The following DNAH11 variants were observed in gnomAD, a reference collection of about 807,000 sequenced individuals.
DNAH11 encodes the protein axonemal beta dynein heavy chain 11.
Under a neutral mutation model 526.0 loss-of-function variants are expected in DNAH11, and 442 were observed. The observed-to-expected ratio is 0.84, with a 90% CI of 0.78 to 0.91. The LOEUF (loss-of-function observed/expected upper bound fraction) is 0.91. Among genes scored for constraint, DNAH11 ranks in the 40% least tolerant of loss-of-function variants. The pLI is 0.00. For missense variants in DNAH11, 6,989 were observed against 5,448.7 expected, an observed-to-expected ratio of 1.28 and a Z score of -8.90; for synonymous variants, 2,461 against 1,935.9, an observed-to-expected ratio of 1.27 and a Z score of -7.12.
chr7:21,610,838 TATAAA>T (rs995499706), intron 20 of DNAH11, among the ~76,000 whole-genome samples: 2 of 152,098 alleles, frequency 1.3e-5, no homozygotes, highest in African/African-American at 4.8e-5. Context: ...AGATGGAAAA[TATAAA>T]AGAGCCTAAG....
intron 35 of DNAH11, among the ~76,000 whole-genome samples, chr7:21,691,198 C>A (rs1783607743): frequency 7.0e-6 from 1 of 143,324 alleles, no homozygotes; most frequent in African/African-American, 2.6e-5. Context: ...TTTTAACAGT[C>A]AAAGTGCATT....
Position 21,649,115 on chromosome 7 carries a change from C to T in DNAH11, c.4945-6717C>T, listed in dbSNP as rs550314070. 4.6e-5 allele frequency among the ~76,000 whole-genome samples: 7 copies of T among 152,272 alleles called. No individual in the cohort carries two copies. The East Asian group carries it at 1.3e-3, about 29-fold the overall frequency. On this transcript the variant is annotated intron_variant, in intron 28 of 81. Coordinates refer to ENST00000409508, the MANE Select transcript of DNAH11 (RefSeq NM_001277115.2). ...TACAATGAGATATCAAGATCAAACC[C>T]ACCAAAGGCTAAAATTAAAACTCAC...
chr7:21,544,544 GA>G (rs1782735343), intron 1 of DNAH11, among the ~76,000 whole-genome samples: 1 of 152,144 alleles, frequency 6.6e-6, no homozygotes, highest in African/African-American at 2.4e-5. Flanking sequence ...AGTAGTTGTG[GA>G]AATGTTAGCA....
chr7:21,600,179 G>T lies in DNAH11; in HGVS notation c.3000+60G>T, dbSNP rs1785022206. 3.5e-6 allele frequency: 5 copies of T among 1,414,364 alleles called. No individual in the cohort carries two copies. In the African/African-American group the frequency reaches 7.2e-5, roughly 20 times the overall value. The allele number at this position is 1,414,364 out of a possible 1,614,324, so 87.6% of individuals were successfully genotyped here. ...ATTAATGATTCAAAAACAAATTGTG[G>T]CTGAGTATGGTAGCTCATGCTGGGA... is the stretch of plus-strand genomic sequence containing the variant. On this transcript the variant is annotated intron_variant, in intron 15 of 81. Coordinates refer to ENST00000409508, the MANE Select transcript of DNAH11 (RefSeq NM_001277115.2).
At chr7:21,718,054 C>A in intron 43 of DNAH11, 129 bp downstream of exon 43, 1 of 1,278,574 alleles carries the variant, frequency 7.8e-7, no homozygotes, top group Non-Finnish European at 1.1e-6. Context: ...TTGCTGCAAC[C>A]CTCTTGCCCC....
chr7:21,693,514 C>G (rs1783715848), intron 35 of DNAH11, among the ~76,000 whole-genome samples: 2 of 152,138 alleles, frequency 1.3e-5, no homozygotes, highest in African/African-American at 4.8e-5. Flanking sequence ...TCTCTATCTG[C>G]TTAAGAGTTT....
intron 46 of DNAH11, among the ~76,000 whole-genome samples, 177 bp from the exon 47 acceptor site, chr7:21,738,524 G>C (rs1583645593): frequency 1.3e-5 from 2 of 152,288 alleles, no homozygotes; most frequent in South Asian, 4.2e-4. Context: ...TGGCAGGAGA[G>C]CACGACACAA....
chr7:21,674,795 A>G lies in DNAH11; in HGVS notation c.5329-6751A>G, dbSNP rs188048806. Among the ~76,000 whole-genome samples the G allele has an allele frequency of 9.9e-5, 15 of 152,058 alleles. No homozygotes were observed. The East Asian group carries it at 2.9e-3, about 29-fold the overall frequency. On this transcript the variant is annotated intron_variant, in intron 30 of 81. Transcript: ENST00000409508. ...CACTGAAGTCTCACACGCACACCCA[A>G]TCTAAAAGATCCAGTGCACATTAGC...
At chr7:21,761,950 G>T (rs545596048) in intron 54 of DNAH11, among the ~76,000 whole-genome samples, 38 of 152,290 alleles carry the variant, frequency 2.5e-4, no homozygotes, top group Admixed American at 1.4e-3. Context: ...GTTCCATATG[G>T]CTGGAGAGGC....
chr7:21,788,564 C>T (rs931106575), intron 60 of DNAH11, among the ~76,000 whole-genome samples: 13 of 152,038 alleles, frequency 8.6e-5, no homozygotes, highest in African/African-American at 2.9e-4. Context: ...ATTTAATTTC[C>T]TTCCTCTCTC....
At position 21,662,132 on chromosome 7, in the gene DNAH11, T is replaced by A. The variant is rs1476514029; in HGVS notation, c.5328+3101T>A. ...ACTGTGCCTGGCCAAATGCTATTTT[T>A]AAATAGTGTTTTAGTTTATGTGCTA... On this transcript the variant is annotated intron_variant, in intron 30 of 81. Coordinates refer to ENST00000409508, the MANE Select transcript of DNAH11 (RefSeq NM_001277115.2). Among the ~76,000 whole-genome samples the A allele has an allele frequency of 3.9e-5, 6 of 152,262 alleles. No individual in the cohort carries two copies. In the East Asian group the frequency reaches 9.7e-4, roughly 25 times the overall value.
rs77931784 is a variant in DNAH11, at chr7:21,711,693, A to G, written c.6835-19A>G. The G allele has an allele frequency of 2.7e-3, 4,384 of 1,606,772 alleles. 104 individuals are homozygous for G. In the African/African-American group the frequency reaches 0.052, roughly 19 times the overall value. ...GGCATTGCTTTTGCCCATGGGTGAC[A>G]GTGTGCTGCTCACTCCAGGTGCTGA... On this transcript the variant is annotated intron_variant, in intron 41 of 81. Coordinates refer to ENST00000409508, the MANE Select transcript of DNAH11 (RefSeq NM_001277115.2).
intron 26 of DNAH11, among the ~76,000 whole-genome samples, chr7:21,637,075 T>A (rs76888657): frequency 0.026 from 3,910 of 152,226 alleles, 148 homozygotes; most frequent in African/African-American, 0.089. Flanking sequence ...ACAGATAAAT[T>A]TTAAGTCATT....
In DNAH11 at chr7:21,588,204, A is replaced by G; in HGVS notation, c.1848+3A>G. Reference sequence around the variant, plus strand: ...TGTATAATGAACACATGAAACAGGTAAGTGGTGGATAAGGTTGGACACATT... The same window carrying G: ...TGTATAATGAACACATGAAACAGGTGAGTGGTGGATAAGGTTGGACACATT... On this transcript the variant is annotated splice_donor_region_variant and intron_variant, in intron 10 of 81. Coordinates refer to ENST00000409508, the MANE Select transcript of DNAH11 (RefSeq NM_001277115.2). 1.2e-6 allele frequency: 2 copies of G among 1,610,124 alleles called. No individual in the cohort carries two copies. Among genetic ancestry groups the G allele is most frequent in the Non-Finnish European group, 1.7e-6 (2 of 1,178,686 alleles).
chr7:21,548,725 A>G (rs1360101581), intron 2 of DNAH11, among the ~76,000 whole-genome samples: 4 of 152,134 alleles, frequency 2.6e-5, no homozygotes, highest in Non-Finnish European at 5.9e-5. Flanking sequence ...CTCACTCGTG[A>G]TGTTTAGGAA....
intron 28 of DNAH11, among the ~76,000 whole-genome samples, chr7:21,654,433 C>G (rs1324545922): frequency 1.3e-5 from 2 of 152,190 alleles, no homozygotes; most frequent in African/African-American, 4.8e-5. Flanking sequence ...CTTTTAATGA[C>G]TGAACAATAT....
At chr7:21,744,372 G>A in intron 49 of DNAH11, 66 bp from the exon 50 acceptor site, 1 of 1,529,946 alleles carries the variant, frequency 6.5e-7, no homozygotes. Context: ...TTTAAAAAGT[G>A]TTAAACTCAT....
intron 30 of DNAH11, among the ~76,000 whole-genome samples, chr7:21,662,763 C>A (rs1782286405): frequency 6.6e-6 from 1 of 152,074 alleles, no homozygotes; most frequent in Non-Finnish European, 1.5e-5. Flanking sequence ...AAACCTTCTA[C>A]CCCTCAGCCT....
Position 21,617,513 on chromosome 7 carries a change from T to C in DNAH11, c.4096-106T>C, listed in dbSNP as rs1475389444. On this transcript the variant is annotated intron_variant, in intron 22 of 81. Coordinates refer to ENST00000409508, the MANE Select transcript of DNAH11 (RefSeq NM_001277115.2). ...GGTCTAGGAGTTCAAATGCTTTCAC[T>C]CTTTTCTAATCCAGGAGTTGGGAAA... is the stretch of plus-strand genomic sequence containing the variant. 9.0e-6 allele frequency: 12 copies of C among 1,328,420 alleles called. No individual in the cohort carries two copies. In the Middle Eastern group the frequency reaches 1.5e-3, roughly 162 times the overall value. 82.3% of individuals were successfully genotyped at this position (1,328,420 alleles called of 1,614,324 possible).
Sources: allele counts gnomAD v4.1 joint callset (sites outside exome capture counted in the v4.1 genomes callset), GRCh38; gene constraint gnomAD v4.1.1; transcripts MANE v1.5; gene names NCBI Gene and HGNC (gene_info 2026-07-23, HGNC 2026-07-21).